Variants in MYO16 observed in about 807,000 individuals in gnomAD.
The protein encoded by MYO16 is myosin XVI.
A neutral mutation model predicts 205.3 loss-of-function variants in MYO16; 94 were observed. The observed-to-expected ratio is 0.46, with a 90% CI of 0.39 to 0.54. MYO16 has a LOEUF of 0.54. MYO16 is among the 20% of genes least tolerant of loss of function. The probability of loss-of-function intolerance (pLI) is 0.00; values close to 1 mark genes in which losing one functional copy is unlikely to be tolerated. For missense variants in MYO16, 2,315 were observed against 2,387.5 expected (o/e 0.97, Z 0.63); for synonymous variants, 988 against 954.0 (o/e 1.04, Z -0.66).
intron 27 of MYO16, among the ~76,000 whole-genome samples, chr13:109,098,896 C>T (rs1222297489): frequency 6.6e-6 from 1 of 152,016 alleles, no homozygotes; most frequent in African/African-American, 2.4e-5. Context: ...TTTGAAACTA[C>T]ATTTTTTTAA....
At chr13:108,920,449 C>G (rs1881694347) in intron 16 of MYO16, among the ~76,000 whole-genome samples, 3 of 151,130 alleles carry the variant, frequency 2.0e-5, no homozygotes, top group Non-Finnish European at 4.4e-5. Context: ...CTCTTTCTGT[C>G]TCTGTCTCTC....
Position 109,052,286 on chromosome 13 carries a change from T to C in MYO16, c.2873-14T>C, listed in dbSNP as rs539472302. 20 of 1,606,846 alleles carry C rather than the reference T, an allele frequency of 1.2e-5. No homozygotes were observed. The South Asian group carries it at 1.7e-4, about 13-fold the overall frequency. The stretch of plus-strand genomic sequence containing the variant: ...TTTAGTGCCACTTACGATATTCATT[T>C]ATTTATTTCCTAGCTAGTGAAAATG... On this transcript the variant is annotated splice_polypyrimidine_tract_variant and intron_variant, in intron 24 of 34. Transcript: ENST00000457511.
At chr13:108,834,653 C>A (rs933609634) in intron 9 of MYO16, among the ~76,000 whole-genome samples, 1 of 90,514 alleles carries the variant, frequency 1.1e-5, no homozygotes, top group South Asian at 3.6e-4. Flanking sequence ...CTCTCTCTCT[C>A]TCTCTCTCTC....
chr13:108,502,145 G>A, the MYO16 span, among the ~76,000 whole-genome samples: 7 of 152,044 alleles, frequency 4.6e-5, no homozygotes, highest in African/African-American at 1.7e-4. Context: ...CCCAGGAGGT[G>A]GAGGTTGCAG....
chr13:108,805,291 C>A (rs528113695), intron 6 of MYO16, among the ~76,000 whole-genome samples: 1 of 152,150 alleles, frequency 6.6e-6, no homozygotes, highest in Non-Finnish European at 1.5e-5. Flanking sequence ...GAAACAGTGT[C>A]TTCATTTAGA....
the MYO16 span, among the ~76,000 whole-genome samples, chr13:108,516,121 C>G: frequency 4.6e-5 from 7 of 151,544 alleles, no homozygotes; most frequent in Non-Finnish European, 7.4e-5. Context: ...TGCTAGCAAT[C>G]AGCGCGATTC....
intron 10 of MYO16, among the ~76,000 whole-genome samples, chr13:108,854,076 CT>C (rs1878043308): frequency 6.6e-6 from 1 of 151,836 alleles, no homozygotes; most frequent in Non-Finnish European, 1.5e-5. Flanking sequence ...TCACTGCAAC[CT>C]GTACCTCCTG....
At chr13:109,043,259 C>A (rs189000639) in intron 23 of MYO16, among the ~76,000 whole-genome samples, 1 of 152,066 alleles carries the variant, frequency 6.6e-6, no homozygotes, top group South Asian at 2.1e-4. Context: ...CTGAGAAATG[C>A]GTAGTCATCG....
intron 34 of MYO16, among the ~76,000 whole-genome samples, chr13:109,204,598 GT>G (rs1412599980): frequency 6.6e-6 from 1 of 152,164 alleles, no homozygotes; most frequent in Non-Finnish European, 1.5e-5. Context: ...CAATAGTTGG[GT>G]TAAGCACAGT....
chr13:108,600,004 G>A (rs12586075), intron 1 of MYO16, among the ~76,000 whole-genome samples: 5,827 of 152,188 alleles, frequency 0.038, 273 homozygotes, highest in African/African-American at 0.11. Flanking sequence ...GTCATCCATT[G>A]TATTTTTAGA....
rs867188147 is a variant in MYO16 at position 109,125,117 on chromosome 13, A to G, written c.3541A>G (p.Arg1181Gly). Reference protein sequence around the residue: ...RKIITCQKVIRGFLARQHLLQ... With the variant: ...RKIITCQKVIGGFLARQHLLQ... ...CCATGATCCTTCTATAAAAGTTATC[A>G]GAGGATTTTTAGCACGCCAGCACCT... Residue 1181 changes from arginine to glycine, a missense_variant, in exon 30 of 35, where the codon AGA becomes GGA. Arg to Gly is a moderately radical substitution (Grantham distance 125, BLOSUM62 -2). This residue lies in a region of MYO16 where 1,097 missense variants were observed against 1,092.0 expected (regional missense o/e 1.00). Coordinates refer to ENST00000457511, the MANE Select transcript of MYO16 (RefSeq NM_001198950.3). This position sits in a 1 kb window ranked among gnomAD's most constrained non-coding sequence, Gnocchi z 4.0. 1 of 1,613,962 alleles carries G rather than the reference A, an allele frequency of 6.2e-7. No individual in the cohort carries two copies. The highest frequency in any genetic ancestry group is 1.3e-5 in the African/African-American group (1 of 74,902).
the MYO16 span, among the ~76,000 whole-genome samples, chr13:108,497,080 A>G: frequency 6.6e-6 from 1 of 152,150 alleles, no homozygotes; most frequent in Non-Finnish European, 1.5e-5. Context: ...CGGTCTATCC[A>G]TGCATCTCCC....
chr13:108,640,315 A>C (rs1319804049), intron 1 of MYO16, among the ~76,000 whole-genome samples: 1 of 152,106 alleles, frequency 6.6e-6, no homozygotes, highest in Non-Finnish European at 1.5e-5. Context: ...CATCCTCTGG[A>C]GTAATCGATG....
intron 12 of MYO16, among the ~76,000 whole-genome samples, chr13:108,877,559 A>G (rs775097397): frequency 1.3e-5 from 2 of 152,246 alleles, no homozygotes; most frequent in Non-Finnish European, 2.9e-5. Context: ...TGACTAAACT[A>G]TGATTAATTC....
rs577680145 is a variant in MYO16 at position 108,762,152 on chromosome 13, G to A, written c.508-23483G>A. Among the ~76,000 whole-genome samples the A allele has an allele frequency of 3.3e-5, 5 of 152,196 alleles. No individual in the cohort carries two copies. The South Asian group carries it at 8.3e-4, about 25-fold the overall frequency. On this transcript the variant is annotated intron_variant, in intron 4 of 34. Coordinates refer to ENST00000457511, the MANE Select transcript of MYO16 (RefSeq NM_001198950.3). ...AAGATAGTGGCCTCCAGTTCCATCC[G>A]TGTTGCCGCAAAAGACACGATTTCA... is the stretch of plus-strand genomic sequence containing the variant.
At chr13:108,598,798 A>G (rs1250239171) in intron 1 of MYO16, among the ~76,000 whole-genome samples, 2 of 152,168 alleles carry the variant, frequency 1.3e-5, no homozygotes, top group Admixed American at 1.3e-4. Context: ...GTGCTGAACA[A>G]AATTACCTGT....
chr13:108,843,474 T>C (rs543972491), intron 9 of MYO16, among the ~76,000 whole-genome samples: 232 of 149,508 alleles, frequency 1.6e-3, no homozygotes, highest in African/African-American at 5.2e-3. Flanking sequence ...TTTTACTGTA[T>C]GTAAACTAGA....
the MYO16 span, among the ~76,000 whole-genome samples, chr13:108,557,104 T>C: frequency 6.6e-6 from 1 of 152,222 alleles, no homozygotes; most frequent in Non-Finnish European, 1.5e-5. Flanking sequence ...AGGATTGCTT[T>C]GGCAATTTGG....
chr13:108,526,563 C>A, the MYO16 span, among the ~76,000 whole-genome samples: 4 of 152,102 alleles, frequency 2.6e-5, no homozygotes, highest in African/African-American at 7.2e-5. Context: ...GCAAAACAAA[C>A]AAGATTATTA....
Sources: allele counts gnomAD v4.1 joint callset (sites outside exome capture counted in the v4.1 genomes callset), GRCh38; gene constraint gnomAD v4.1.1; regional missense constraint gnomAD v4.1.1; non-coding constraint Gnocchi (gnomAD v3.1); transcripts MANE v1.5; gene names NCBI Gene and HGNC (gene_info 2026-07-23, HGNC 2026-07-21).